The following LDB3 variants were observed in gnomAD, a reference collection of about 807,000 sequenced individuals.
LDB3 encodes LIM domain binding 3, also known as LIM domain-binding protein 3.
A neutral mutation model predicts 69.0 loss-of-function variants in LDB3; 49 were observed. The observed-to-expected ratio is 0.71, with a 90% CI of 0.56 to 0.90. The LOEUF (loss-of-function observed/expected upper bound fraction) is 0.90. Among genes scored for constraint, LDB3 ranks in the 40% least tolerant of loss-of-function variants. The pLI is 0.00. For synonymous variants in LDB3, 387 were observed against 396.2 expected, an observed-to-expected ratio of 0.98 and a Z score of 0.28; for missense variants, 928 against 974.1, an observed-to-expected ratio of 0.95 and a Z score of 0.63.
chr10:86,691,686 A>G (rs984628865), intron 5 of LDB3, among the ~76,000 whole-genome samples: 1 of 152,074 alleles, frequency 6.6e-6, no homozygotes, highest in Non-Finnish European at 1.5e-5. Flanking sequence ...CCTGTCTCTC[A>G]TGAGGGAGGG....
chr10:86,729,608 G>T (rs1847387121), intron 13 of LDB3, among the ~76,000 whole-genome samples: 1 of 152,180 alleles, frequency 6.6e-6, no homozygotes, highest in Admixed American at 6.5e-5. Flanking sequence ...CAGCCACAGA[G>T]CCTGGGGGTT....
At chr10:86,682,922 T>C (rs1845244528) in intron 5 of LDB3, among the ~76,000 whole-genome samples, 1 of 151,960 alleles carries the variant, frequency 6.6e-6, no homozygotes, top group Admixed American at 6.5e-5. Context: ...CACTGCTCCC[T>C]GTGGCCCTCA....
intron 12 of LDB3, among the ~76,000 whole-genome samples, chr10:86,719,729 G>C (rs2132489505): frequency 6.6e-6 from 1 of 152,290 alleles, no homozygotes; most frequent in Admixed American, 6.5e-5. Flanking sequence ...GCAGATTCCT[G>C]TAATCTCACG....
chr10:86,681,695 A>T lies in LDB3; in HGVS notation c.581A>T (p.Gln194Leu), dbSNP rs769852198. 1.4e-5 allele frequency: 22 copies of T among 1,613,658 alleles called. No homozygotes were observed. The Admixed American group carries it at 3.7e-4, about 27-fold the overall frequency. Residue 194 changes from glutamine to leucine, a missense_variant, in exon 5 of 14, where the codon CAA becomes CTA. Physicochemically the swap from Gln to Leu is moderately radical, Grantham distance 113 (BLOSUM62 -2). Coordinates refer to ENST00000361373, the MANE Select transcript of LDB3 (RefSeq NM_007078.3). Reference protein sequence around the residue: ...KALPGSSQPRQYNNPIGLYSA... With the variant: ...KALPGSSQPRLYNNPIGLYSA... The stretch of plus-strand genomic sequence containing the variant: ...CTGCCGGGCTCGAGCCAGCCGAGGC[A>T]ATATAACAACCCCATTGGCCTGTAC...
At position 86,718,088 on chromosome 10, in the gene LDB3, T is replaced by C. The variant is rs1304146644; in HGVS notation, c.1801T>C (p.Cys601Arg). 1.2e-6 allele frequency: 2 copies of C among 1,614,150 alleles called. No individual in the cohort carries two copies. Among genetic ancestry groups the C allele is most frequent in the Non-Finnish European group, 1.7e-6 (2 of 1,180,036 alleles). The part of the protein sequence containing the change: ...EEQNNVYCER[C>R]YEQFFAPLCA... The stretch of plus-strand genomic sequence containing the variant: ...GCAGAACAACGTTTACTGTGAGCGA[T>C]GTTATGAGCAATTCTTTGCCCCGCT... The change falls in exon 11 of 14, where the codon TGT becomes CGT. Residue 601 changes from cysteine to arginine, a missense_variant. Cys to Arg is a radical substitution (Grantham distance 180). Transcript: ENST00000361373.
rs571168371 is a variant in LDB3, at chr10:86,685,608, C to A, written c.689+3805C>A. On this transcript the variant is annotated intron_variant, in intron 5 of 13. Transcript: ENST00000361373. ...ACAATGACCAGGCTGATGATGGCCC[C>A]GGCGCTCAAACTGCCCCTGGTGGAG... The A allele has an allele frequency of 3.9e-6, 6 of 1,519,262 alleles. No individual in the cohort carries two copies. The Middle Eastern group carries it at 5.1e-4, about 129-fold the overall frequency. 94.1% of individuals were successfully genotyped at this position (1,519,262 alleles called of 1,614,324 possible).
At position 86,679,322 on chromosome 10, in the gene LDB3, G is replaced by A. The variant is rs371343633; in HGVS notation, c.94-45G>A. ...TCCCCAAGGACTGGCCTTTCCTCAG[G>A]ACCACCTTCCTTATGCTCACCCCCC... On this transcript the variant is annotated intron_variant, in intron 2 of 13. Transcript: ENST00000361373. 188 of 1,613,226 alleles carry A rather than the reference G, an allele frequency of 1.2e-4. 4 individuals carry two copies. The East Asian group carries it at 1.7e-3, about 14-fold the overall frequency.
At chr10:86,702,961 G>C (rs1846318165) in intron 7 of LDB3, among the ~76,000 whole-genome samples, 1 of 152,076 alleles carries the variant, frequency 6.6e-6, no homozygotes, top group South Asian at 2.1e-4. Flanking sequence ...CTGGTGCTGT[G>C]GTCAATGATG....
intron 2 of LDB3, among the ~76,000 whole-genome samples, chr10:86,674,955 G>T (rs1844704817): frequency 6.6e-6 from 1 of 151,868 alleles, no homozygotes; most frequent in Non-Finnish European, 1.5e-5. Context: ...CCTCCATCCT[G>T]CCTGAAGCAC....
rs1847527818 is a variant in LDB3 at position 86,732,938 on chromosome 10, C to T, written c.2146C>T (p.Pro716Ser). 1.9e-6 allele frequency: 3 copies of T among 1,613,820 alleles called. No homozygotes were observed. Among genetic ancestry groups the T allele is most frequent in the East Asian group, 4.5e-5 (2 of 44,882 alleles). The change falls in exon 14 of 14, where the codon CCC becomes TCC. Residue 716 changes from proline to serine, a missense_variant. Coordinates refer to ENST00000361373, the MANE Select transcript of LDB3 (RefSeq NM_007078.3). ...GQPFYSKKDR[P>S]LCKKHAHTIN... The stretch of plus-strand genomic sequence containing the variant: ...GCCGTTCTACTCCAAGAAGGACAGA[C>T]CCCTGTGCAAGAAGCACGCACACAC...
At chr10:86,704,539 A>G (rs1217422084) in intron 7 of LDB3, among the ~76,000 whole-genome samples, 1 of 148,088 alleles carries the variant, frequency 6.8e-6, no homozygotes, top group Non-Finnish European at 1.5e-5. Flanking sequence ...CCCCCCGAGT[A>G]GCTGGGATTA....
At chr10:86,682,014 G>A (rs1356227670) in intron 5 of LDB3, among the ~76,000 whole-genome samples, 2 of 152,212 alleles carry the variant, frequency 1.3e-5, no homozygotes, top group African/African-American at 4.8e-5. Flanking sequence ...TGACATGTCG[G>A]ATTTTGCAGA....
intron 13 of LDB3, 44 bp downstream of exon 13, chr10:86,726,296 G>T (rs1204006475): frequency 1.3e-6 from 2 of 1,528,390 alleles, no homozygotes; most frequent in African/African-American, 2.7e-5. Context: ...GAAGAGGCAG[G>T]AGGGAGGAAG....
In LDB3 at chr10:86,733,306, AGAG is replaced by A; in HGVS notation, c.*336_*338del. The A allele has an allele frequency of 2.8e-6, 1 of 355,870 alleles. No homozygotes were observed. Among genetic ancestry groups the A allele is most frequent in the Non-Finnish European group, 5.5e-6 (1 of 182,916 alleles). 22.0% of individuals were successfully genotyped at this position (355,870 alleles called of 1,614,324 possible). The stretch of plus-strand genomic sequence containing the variant: ...AAGCGATACACTTGCTTTGGTCACC[AGAG>A]GAGGACAGAGCTTAGAGCAGCTGTG... On this transcript the variant is annotated 3_prime_UTR_variant, in exon 14 of 14. Transcript: ENST00000361373.
intron 2 of LDB3, among the ~76,000 whole-genome samples, chr10:86,677,175 C>A (rs1844841119): frequency 6.6e-6 from 1 of 152,176 alleles, no homozygotes; most frequent in Admixed American, 6.5e-5. Flanking sequence ...GAAGGCCAGG[C>A]CTGCATGGCA....
intron 4 of LDB3, 67 bp downstream of exon 4, chr10:86,680,224 C>A (rs570723970): frequency 5.8e-5 from 84 of 1,451,870 alleles, no homozygotes; most frequent in South Asian, 3.1e-4. Flanking sequence ...CCTGGCCAGC[C>A]TGCCTGGTCT....
intron 5 of LDB3, 138 bp downstream of exon 5, chr10:86,681,941 G>C: frequency 1.1e-6 from 1 of 888,176 alleles, no homozygotes; most frequent in East Asian, 2.5e-5. Flanking sequence ...GGTCAGCAGT[G>C]ATCCTGCGGC....
At chr10:86,721,319 A>G (rs1221440355) in intron 12 of LDB3, among the ~76,000 whole-genome samples, 2 of 152,362 alleles carry the variant, frequency 1.3e-5, no homozygotes, top group East Asian at 1.9e-4. Context: ...ATTTTAATCA[A>G]CAATTTGGAA....
intron 5 of LDB3, chr10:86,687,327 G>C (rs1324097556): frequency 6.6e-7 from 1 of 1,513,604 alleles, no homozygotes; most frequent in Non-Finnish European, 9.2e-7. Context: ...CGAGGGGTAT[G>C]GGCCATTGGG....
Sources: allele counts gnomAD v4.1 joint callset (sites outside exome capture counted in the v4.1 genomes callset), GRCh38; gene constraint gnomAD v4.1.1; transcripts MANE v1.5; gene names NCBI Gene and HGNC (gene_info 2026-07-23, HGNC 2026-07-21).